The following IGDCC3 variants were observed in gnomAD, a reference collection of about 807,000 sequenced individuals.
IGDCC3 encodes putative neuronal cell adhesion molecule.
IGDCC3 carries 47 observed loss-of-function variants against 72.0 expected under a neutral mutation model. The observed-to-expected ratio is 0.65, with a 90% CI of 0.52 to 0.83. IGDCC3 has a LOEUF of 0.83. IGDCC3 is among the 40% of genes least tolerant of loss of function. The pLI, the probability that IGDCC3 is intolerant of heterozygous loss-of-function variation, is 0.00. For synonymous variants in IGDCC3, 477 were observed against 472.8 expected (o/e 1.01, Z -0.11); for missense variants, 1,038 against 1,091.3 (o/e 0.95, Z 0.69).
chr15:65,364,462 C>A (rs939427170), intron 2 of IGDCC3, among the ~76,000 whole-genome samples: 2 of 152,212 alleles, frequency 1.3e-5, no homozygotes, highest in South Asian at 4.1e-4. Flanking sequence ...AGGTAGCCCT[C>A]ACACCTGCTG....
At chr15:65,335,537 C>G in intron 3 of IGDCC3, 116 bp from the exon 4 acceptor site, 1 of 1,081,074 alleles carries the variant, frequency 9.3e-7, no homozygotes, top group Non-Finnish European at 1.4e-6. Context: ...ATCCCAACAT[C>G]AGCAGACACA....
rs759591273 is a variant in IGDCC3 at position 65,329,087 on chromosome 15, C to A, written c.2267G>T (p.Gly756Val). 1 of 1,611,460 alleles carries A rather than the reference C, an allele frequency of 6.2e-7. No homozygotes were observed. Among genetic ancestry groups the A allele is most frequent in the South Asian group, 1.1e-5 (1 of 90,722 alleles). ...CGTCTTCCCCTCCATCAGGCCGCAC[C>A]CCTGAAGTGGCAGCACGGAGAGCTG... is the stretch of plus-strand genomic sequence containing the variant. ...ETQLSVLPLQ[G>V]CGLMEGKTTE... The change falls in exon 14 of 14, where the codon GGG becomes GTG. Residue 756 changes from glycine to valine, a missense_variant. Coordinates refer to ENST00000327987, the MANE Select transcript of IGDCC3 (RefSeq NM_004884.4). The surrounding 1 kb of genome is among the most constrained non-coding windows in gnomAD (Gnocchi z 4.1).
chr15:65,359,270 C>T (rs1397388708), intron 2 of IGDCC3, among the ~76,000 whole-genome samples: 1 of 152,044 alleles, frequency 6.6e-6, no homozygotes, highest in Admixed American at 6.6e-5. Flanking sequence ...TCCACAGCAA[C>T]TTGGGTTCAC....
At position 65,333,372 on chromosome 15, in the gene IGDCC3, T is replaced by TGTGCCCAGCACCTGG; in HGVS notation, c.852_866dup (p.Gln285_Thr289dup). 1 of 1,611,392 alleles carries TGTGCCCAGCACCTGG rather than the reference T, an allele frequency of 6.2e-7. No individual in the cohort carries two copies. Among genetic ancestry groups the TGTGCCCAGCACCTGG allele is most frequent in the Non-Finnish European group, 8.5e-7 (1 of 1,178,786 alleles). ...TCACGTCTGAGATGATGAGGTTTCC[T>TGTGCCCAGCACCTGG]GTGCCCAGCACCTGGATGCCCTCCA... On this transcript the variant is annotated inframe_insertion, in exon 6 of 14. Coordinates refer to ENST00000327987, the MANE Select transcript of IGDCC3 (RefSeq NM_004884.4).
chr15:65,359,656 G>A (rs892111377), intron 2 of IGDCC3, among the ~76,000 whole-genome samples: 2 of 152,204 alleles, frequency 1.3e-5, no homozygotes, highest in African/African-American at 4.8e-5. Context: ...GGGTGTTTCA[G>A]GGAAGAGAAT....
In IGDCC3 at chr15:65,334,464, G is replaced by A; in HGVS notation, c.823+264C>T. ...CTGGGGTCCCCGAGGCCAGGGTGAG[G>A]GGAGGACTGCAGGGACTGGACAAGG... On this transcript the variant is annotated intron_variant, in intron 5 of 13. Coordinates refer to ENST00000327987, the MANE Select transcript of IGDCC3 (RefSeq NM_004884.4). 2 of 450,280 alleles carry A rather than the reference G, an allele frequency of 4.4e-6. 1 individual carries two copies. Among genetic ancestry groups the A allele is most frequent in the Admixed American group, 8.1e-5 (2 of 24,554 alleles). 27.9% of individuals were successfully genotyped at this position (450,280 alleles called of 1,614,324 possible).
intron 1 of IGDCC3, among the ~76,000 whole-genome samples, chr15:65,376,899 T>C (rs566610943): frequency 1.3e-5 from 2 of 152,156 alleles, no homozygotes; most frequent in African/African-American, 2.4e-5. Context: ...GATGGGACCA[T>C]TGCAGCCACT....
chr15:65,370,419 A>G (rs2091315194), intron 2 of IGDCC3, among the ~76,000 whole-genome samples: 1 of 150,616 alleles, frequency 6.6e-6, no homozygotes, highest in East Asian at 1.9e-4. Flanking sequence ...GAGGTTGAAG[A>G]AGGAGAATTG....
intron 2 of IGDCC3, among the ~76,000 whole-genome samples, chr15:65,343,318 G>C (rs906340022): frequency 6.6e-6 from 1 of 152,094 alleles, no homozygotes; most frequent in Admixed American, 6.5e-5. Context: ...TTTCCTCAGA[G>C]GGGATGAGGC....
intron 9 of IGDCC3, 145 bp downstream of exon 9, chr15:65,330,905 C>A (rs769259593): frequency 3.0e-5 from 33 of 1,102,386 alleles, no homozygotes; most frequent in Non-Finnish European, 3.7e-5. Context: ...GAAAAAGAAG[C>A]CCTTTCCTCC....
chr15:65,367,172 C>T (rs551759105), intron 2 of IGDCC3, among the ~76,000 whole-genome samples: 15 of 152,058 alleles, frequency 9.9e-5, no homozygotes, highest in South Asian at 2.1e-4. Flanking sequence ...GGTGAAACCC[C>T]GTCTCTACTA....
chr15:65,353,497 G>A (rs1293773795), intron 2 of IGDCC3, among the ~76,000 whole-genome samples: 3 of 152,092 alleles, frequency 2.0e-5, no homozygotes, highest in Non-Finnish European at 2.9e-5. Context: ...TGATCTGCCC[G>A]CCTCGGCCTC....
At chr15:65,349,218 TG>T (rs2091152387) in intron 2 of IGDCC3, among the ~76,000 whole-genome samples, 1 of 152,242 alleles carries the variant, frequency 6.6e-6, no homozygotes, top group East Asian at 1.9e-4. Context: ...GTCTATGTTT[TG>T]TTATCACAAG....
rs146749273 is a variant in IGDCC3 at position 65,358,584 on chromosome 15, G to C, written c.409+16513C>G. ...CCAATCCTCAGATAAATTATATTTT[G>C]AGAAATGGCACATTCAAAAAGCAAG... On this transcript the variant is annotated intron_variant, in intron 2 of 13. Transcript: ENST00000327987. 6.0e-4 allele frequency among the ~76,000 whole-genome samples: 92 copies of C among 152,278 alleles called. 1 individual carries two copies. In the East Asian group the frequency reaches 0.016, roughly 27 times the overall value.
intron 2 of IGDCC3, among the ~76,000 whole-genome samples, chr15:65,372,366 G>A (rs943660165): frequency 1.3e-5 from 2 of 152,256 alleles, no homozygotes; most frequent in East Asian, 1.9e-4. Context: ...CAGAGTCTAG[G>A]GCTCCTGAGC....
intron 2 of IGDCC3, among the ~76,000 whole-genome samples, chr15:65,337,593 T>C (rs952308364): frequency 1.3e-5 from 2 of 152,128 alleles, no homozygotes; most frequent in African/African-American, 2.4e-5. Context: ...GAGGTGGGCC[T>C]TCCCGGCCTC....
At chr15:65,354,325 C>T (rs2091197101) in intron 2 of IGDCC3, among the ~76,000 whole-genome samples, 1 of 152,136 alleles carries the variant, frequency 6.6e-6, no homozygotes, top group African/African-American at 2.4e-5. Context: ...GTAACACATC[C>T]GTAAAAGGAC....
chr15:65,328,870 C>G lies in IGDCC3; in HGVS notation c.*39G>C. 1 of 1,502,194 alleles carries G rather than the reference C, an allele frequency of 6.7e-7. No homozygotes were observed. The highest frequency in any genetic ancestry group is 2.4e-5 in the East Asian group (1 of 41,734). 93.1% of individuals were successfully genotyped at this position (1,502,194 alleles called of 1,614,324 possible). The stretch of plus-strand genomic sequence containing the variant: ...ATCTTGCTTTTGACCTGAGAATGGG[C>G]CCCGCTCCGTCCACCCTCTGGAGCC... On this transcript the variant is annotated 3_prime_UTR_variant, in exon 14 of 14. Transcript: ENST00000327987.
chr15:65,328,974 T>C lies in IGDCC3; in HGVS notation c.2380A>G (p.Ser794Gly). The C allele has an allele frequency of 6.2e-7, 1 of 1,600,516 alleles. No individual in the cohort carries two copies. Among genetic ancestry groups the C allele is most frequent in the South Asian group, 1.1e-5 (1 of 89,594 alleles). Residue 794 changes from serine (S) to glycine (G), a missense_variant, in exon 14 of 14, where the codon AGT (serine) becomes GGT (glycine). Physicochemically the swap from Ser to Gly is moderately conservative, Grantham distance 56. Transcript: ENST00000327987. ...PPPDGGPGLLSEGQASRPAAA... is the reference protein window; with the variant it reads ...PPPDGGPGLLGEGQASRPAAA... The stretch of plus-strand genomic sequence containing the variant: ...GCAGGCCTGGAAGCCTGGCCTTCAC[T>C]GAGGAGGCCAGGGCCTCCATCTGGG...
Sources: allele counts gnomAD v4.1 joint callset (sites outside exome capture counted in the v4.1 genomes callset), GRCh38; gene constraint gnomAD v4.1.1; non-coding constraint Gnocchi (gnomAD v3.1); transcripts MANE v1.5; gene names NCBI Gene and HGNC (gene_info 2026-07-23, HGNC 2026-07-21).